Variants in LIPI observed in about 807,000 individuals in gnomAD.
LIPI encodes the protein lipase I.
A neutral mutation model predicts 50.6 loss-of-function variants in LIPI; 59 were observed. That is an observed-to-expected ratio of 1.16 (90% CI 0.94 to 1.45). LIPI has a LOEUF of 1.45. LIPI is among the 40% of genes most tolerant of loss of function. The probability of loss-of-function intolerance (pLI) is 0.00; values close to 1 mark genes in which losing one functional copy is unlikely to be tolerated. For synonymous variants in LIPI, 203 were observed against 178.2 expected, an observed-to-expected ratio of 1.14 and a Z score of -1.11; for missense variants, 586 against 536.3, an observed-to-expected ratio of 1.09 and a Z score of -0.92.
intron 9 of LIPI, among the ~76,000 whole-genome samples, chr21:14,138,125 A>G (rs1173476359): frequency 3.3e-5 from 5 of 152,184 alleles, no homozygotes; most frequent in African/African-American, 1.2e-4. Context: ...GGTTTTGGGC[A>G]CACTAATAGC....
chr21:14,129,856 C>T (rs1030041052), intron 9 of LIPI, among the ~76,000 whole-genome samples: 2 of 144,300 alleles, frequency 1.4e-5, no homozygotes, highest in Non-Finnish European at 3.0e-5. Context: ...CAATTTGATT[C>T]TTCTCAAGTG....
rs1365944692 is a variant in LIPI, at chr21:14,181,980, C to A, written c.542-121G>T. The A allele has an allele frequency of 5.9e-6, 4 of 679,384 alleles. No individual in the cohort carries two copies. In the East Asian group the frequency reaches 1.1e-4, roughly 19 times the overall value. The allele number at this position is 679,384 out of a possible 1,614,324, so 42.1% of individuals were successfully genotyped here. On this transcript the variant is annotated intron_variant, in intron 3 of 9. Transcript: ENST00000681601. Reference sequence around the variant, plus strand: ...ATTTATACTTTTAGTTTAAACCTATCCAAGAACATATCTAAAAACAAATGG... The same window carrying A: ...ATTTATACTTTTAGTTTAAACCTATACAAGAACATATCTAAAAACAAATGG...
intron 1 of LIPI, among the ~76,000 whole-genome samples, chr21:14,207,111 G>A (rs1294459371): frequency 6.6e-6 from 1 of 152,264 alleles, no homozygotes; most frequent in African/African-American, 2.4e-5. Context: ...TAAAATCCCT[G>A]AATGCTAGTG....
chr21:14,122,179 T>G (rs1038854855), intron 9 of LIPI, among the ~76,000 whole-genome samples: 1 of 152,194 alleles, frequency 6.6e-6, no homozygotes, highest in African/African-American at 2.4e-5. Context: ...ATTGTCATCA[T>G]TATATGATAG....
intron 8 of LIPI, among the ~76,000 whole-genome samples, chr21:14,151,373 C>T (rs2018084281): frequency 6.6e-6 from 1 of 152,146 alleles, no homozygotes; most frequent in Admixed American, 6.5e-5. Context: ...CAAGGTCCAT[C>T]GCACATTAAT....
Position 14,186,047 on chromosome 21 carries a change from T to C in LIPI, c.455A>G (p.Asn152Ser), listed in dbSNP as rs201358357. ...TAAGCTCACACCTATGAAATGAAAATTGTCAAGAGATGCACCATGCTTCTG... is the reference window on the plus strand; with the variant it reads ...TAAGCTCACACCTATGAAATGAAAACTGTCAAGAGATGCACCATGCTTCTG... ...NLLKHGASLD[N>S]FHFIGVSLGA... The change falls in exon 3 of 10, where the codon AAT becomes AGT. Residue 152 changes from asparagine (N) to serine (S), a missense_variant. Coordinates refer to ENST00000681601, the MANE Select transcript of LIPI (RefSeq NM_001302998.2). 4.9e-5 allele frequency: 79 copies of C among 1,597,512 alleles called. No homozygotes were observed. Among genetic ancestry groups the C allele is most frequent in the Admixed American group, 1.7e-4 (10 of 59,980 alleles).
intron 9 of LIPI, among the ~76,000 whole-genome samples, chr21:14,120,331 C>T (rs1480275177): frequency 6.6e-6 from 1 of 152,182 alleles, no homozygotes; most frequent in Non-Finnish European, 1.5e-5. Context: ...CTCACAAGAG[C>T]ACTACTTCTA....
At position 14,130,742 on chromosome 21, in the gene LIPI, T is replaced by C. The variant is rs987308909; in HGVS notation, c.1295+13881A>G. Among the ~76,000 whole-genome samples the C allele has an allele frequency of 2.0e-5, 3 of 152,092 alleles. No homozygotes were observed. The East Asian group carries it at 5.8e-4, about 29-fold the overall frequency. On this transcript the variant is annotated intron_variant, in intron 9 of 9. Transcript: ENST00000681601. ...GAGATCAAGCTCTTCTAAGCACACTTAGGACAATAACTACTCCCCTAATGC... is the reference window on the plus strand; with the variant it reads ...GAGATCAAGCTCTTCTAAGCACACTCAGGACAATAACTACTCCCCTAATGC...
At chr21:14,116,268 C>T (rs1258491660) in intron 9 of LIPI, among the ~76,000 whole-genome samples, 1 of 151,902 alleles carries the variant, frequency 6.6e-6, no homozygotes, top group African/African-American at 2.4e-5. Flanking sequence ...GTGCAGATCT[C>T]TTAGTGCAGA....
chr21:14,176,157 G>C (rs938761311), intron 4 of LIPI, among the ~76,000 whole-genome samples: 1 of 140,936 alleles, frequency 7.1e-6, no homozygotes, highest in Admixed American at 7.3e-5. Context: ...CAGCCTGGGC[G>C]ACAGTGAGAC....
chr21:14,185,709 C>T (rs2019428117), intron 3 of LIPI, among the ~76,000 whole-genome samples: 1 of 151,884 alleles, frequency 6.6e-6, no homozygotes, highest in Non-Finnish European at 1.5e-5. Context: ...GAAACCCTGT[C>T]TCTACTTAAA....
intron 7 of LIPI, 129 bp from the exon 8 acceptor site, chr21:14,152,813 T>C: frequency 1.8e-6 from 1 of 561,642 alleles, no homozygotes; most frequent in Non-Finnish European, 3.2e-6. Flanking sequence ...CATATGCAAA[T>C]AATATTATTG....
intron 9 of LIPI, among the ~76,000 whole-genome samples, chr21:14,120,625 A>C (rs73155581): frequency 0.13 from 20,441 of 152,168 alleles, 1,828 homozygotes; most frequent in South Asian, 0.21. Flanking sequence ...ATAACAAAGA[A>C]AGAAGAGACT....
chr21:14,205,106 CAA>C (rs1200929166), intron 1 of LIPI, among the ~76,000 whole-genome samples: 3 of 151,430 alleles, frequency 2.0e-5, no homozygotes, highest in Non-Finnish European at 4.4e-5. Context: ...TAAAAATATT[CAA>C]AGAGTTCATA....
intron 8 of LIPI, among the ~76,000 whole-genome samples, chr21:14,152,172 C>A (rs1185471024): frequency 1.3e-5 from 2 of 151,880 alleles, no homozygotes; most frequent in African/African-American, 4.8e-5. Flanking sequence ...GCAATCTCAG[C>A]TCACTGCAAC....
intron 3 of LIPI, among the ~76,000 whole-genome samples, chr21:14,183,882 T>C (rs900922448): frequency 2.0e-5 from 3 of 152,372 alleles, no homozygotes; most frequent in East Asian, 3.9e-4. Flanking sequence ...TTGGTGGGAC[T>C]GTAAACTAGT....
chr21:14,173,144 A>G (rs1467852083), intron 4 of LIPI, among the ~76,000 whole-genome samples: 1 of 152,138 alleles, frequency 6.6e-6, no homozygotes, highest in Non-Finnish European at 1.5e-5. Flanking sequence ...CCCAGTGGAT[A>G]TTTGTGCGAA....
intron 4 of LIPI, among the ~76,000 whole-genome samples, chr21:14,178,369 T>C (rs531702902): frequency 5.3e-5 from 8 of 152,230 alleles, no homozygotes; most frequent in African/African-American, 1.9e-4. Flanking sequence ...CTCTTAACTG[T>C]TGGTCTATAT....
At chr21:14,164,099 A>G (rs1229526003) in intron 6 of LIPI, among the ~76,000 whole-genome samples, 1 of 151,086 alleles carries the variant, frequency 6.6e-6, no homozygotes, top group Non-Finnish European at 1.5e-5. Context: ...ATATATTGAT[A>G]AAAATTACTT....
Sources: gnomAD v4.1 joint callset for allele counts (sites outside exome capture counted in the v4.1 genomes callset) on GRCh38, gnomAD v4.1.1 for gene constraint, MANE v1.5 for transcripts, NCBI Gene and HGNC (gene_info 2026-07-23, HGNC 2026-07-21) for gene names.